Variants in RGL1 observed in about 807,000 individuals in gnomAD.
RGL1 encodes ral guanine nucleotide dissociation stimulator like 1, also known as ral guanine nucleotide dissociation stimulator-like 1.
Under a neutral mutation model 95.2 loss-of-function variants are expected in RGL1, and 24 were observed. The observed-to-expected ratio is 0.25, with a 90% CI of 0.18 to 0.35. The LOEUF is 0.35. Among genes scored for constraint, RGL1 ranks in the 10% least tolerant of loss-of-function variants. RGL1 has a pLI of 1.00. For synonymous variants in RGL1, 329 were observed against 344.9 expected, an observed-to-expected ratio of 0.95 and a Z score of 0.51; for missense variants, 715 against 936.3, an observed-to-expected ratio of 0.76 and a Z score of 3.08.
chr1:183,783,305 A>AAC (rs1204854454), intron 2 of RGL1, among the ~76,000 whole-genome samples: 1 of 152,144 alleles, frequency 6.6e-6, no homozygotes, highest in Non-Finnish European at 1.5e-5. Flanking sequence ...GAAAATAAGG[A>AAC]ACACACACAC....
At chr1:183,713,857 C>T (rs954217661) in intron 1 of RGL1, among the ~76,000 whole-genome samples, 10 of 152,182 alleles carry the variant, frequency 6.6e-5, no homozygotes, top group African/African-American at 1.7e-4. Flanking sequence ...TTTTATTCAC[C>T]GCTGTATCCC....
At chr1:183,685,752 CAT>C (rs1653541572) in intron 1 of RGL1, among the ~76,000 whole-genome samples, 3 of 152,294 alleles carry the variant, frequency 2.0e-5, no homozygotes, top group East Asian at 1.9e-4. Context: ...TCAGACCTAA[CAT>C]GTGGTAATAC....
chr1:183,690,734 A>T (rs1020085699), intron 1 of RGL1, among the ~76,000 whole-genome samples: 1 of 150,822 alleles, frequency 6.6e-6, no homozygotes, highest in Non-Finnish European at 1.5e-5. Context: ...GTACTTATAA[A>T]AAAAAAAAAG....
chr1:183,797,290 C>A (rs1000423816), intron 2 of RGL1, among the ~76,000 whole-genome samples: 1 of 152,064 alleles, frequency 6.6e-6, no homozygotes, highest in African/African-American at 2.4e-5. Flanking sequence ...GATGGCGCCA[C>A]GGCACTCCAG....
At chr1:183,658,841 C>T (rs1434398878) in intron 1 of RGL1, among the ~76,000 whole-genome samples, 1 of 151,584 alleles carries the variant, frequency 6.6e-6, no homozygotes, top group Non-Finnish European at 1.5e-5. Flanking sequence ...CTCACAGGGC[C>T]GGGTACTCCT....
intron 2 of RGL1, among the ~76,000 whole-genome samples, chr1:183,791,041 C>CG (rs1162063925): frequency 9.9e-5 from 15 of 152,168 alleles, no homozygotes; most frequent in Admixed American, 6.5e-5. Context: ...TAGCTATTCA[C>CG]TCATCTAGAA....
At chr1:183,842,162 G>A (rs1664099505) in intron 2 of RGL1, among the ~76,000 whole-genome samples, 2 of 152,116 alleles carry the variant, frequency 1.3e-5, no homozygotes, top group South Asian at 4.1e-4. Context: ...AGCTGGAATA[G>A]TACTCACTAT....
intron 1 of RGL1, among the ~76,000 whole-genome samples, chr1:183,689,744 G>T (rs1023373457): frequency 6.6e-6 from 1 of 152,154 alleles, no homozygotes; most frequent in Non-Finnish European, 1.5e-5. Flanking sequence ...GTGATTCCTG[G>T]CCTCATCCTT....
At chr1:183,847,865 C>G (rs901388122) in intron 3 of RGL1, 91 bp downstream of exon 3, 3 of 918,700 alleles carry the variant, frequency 3.3e-6, no homozygotes, top group Admixed American at 4.1e-5. Context: ...ACTTGGTATT[C>G]GGAGAGAGAT....
At chr1:183,691,952 T>A (rs1487913444) in intron 1 of RGL1, among the ~76,000 whole-genome samples, 1 of 151,868 alleles carries the variant, frequency 6.6e-6, no homozygotes, top group Non-Finnish European at 1.5e-5. Context: ...TCAGTGAATG[T>A]TCAAAATGTA....
rs1663643850 is a variant in RGL1 at position 183,836,276 on chromosome 1, G to A, written c.139-11290G>A. 2.0e-5 allele frequency among the ~76,000 whole-genome samples: 3 copies of A among 151,842 alleles called. No homozygotes were observed. In the South Asian group the frequency reaches 6.2e-4, roughly 32 times the overall value. On this transcript the variant is annotated intron_variant, in intron 2 of 17. Coordinates refer to ENST00000360851, the MANE Select transcript of RGL1 (RefSeq NM_001297671.3). ...TTCTTTTCTTTTTTTTTTAGACGGAGTTTTGCTCTTGTTGCCCAGGTTGGA... is the reference window on the plus strand; with the variant it reads ...TTCTTTTCTTTTTTTTTTAGACGGAATTTTGCTCTTGTTGCCCAGGTTGGA...
At chr1:183,861,109 A>G (rs575630641) in intron 3 of RGL1, among the ~76,000 whole-genome samples, 2 of 152,338 alleles carry the variant, frequency 1.3e-5, no homozygotes, top group South Asian at 4.1e-4. Context: ...ACTTCACTCT[A>G]TAGAATTATA....
intron 2 of RGL1, among the ~76,000 whole-genome samples, chr1:183,839,873 A>G (rs1409330023): frequency 6.6e-6 from 1 of 152,212 alleles, no homozygotes; most frequent in Non-Finnish European, 1.5e-5. Flanking sequence ...TAACTCTCCT[A>G]TAACAAAAGA....
chr1:183,880,877 G>C lies in RGL1; in HGVS notation c.610+77G>C, dbSNP rs191359000. 8.7e-6 allele frequency: 12 copies of C among 1,378,120 alleles called. No homozygotes were observed. In the Admixed American group the frequency reaches 2.4e-4, roughly 28 times the overall value. The allele number at this position is 1,378,120 out of a possible 1,614,324, so 85.4% of individuals were successfully genotyped here. A position where few individuals can be genotyped will look rare whatever the true frequency, so the allele number is the denominator to read the frequency against. On this transcript the variant is annotated intron_variant, in intron 5 of 17. Coordinates refer to ENST00000360851, the MANE Select transcript of RGL1 (RefSeq NM_001297671.3). ...TCCACGCTGGAGAAAGGTTCTCCCT[G>C]TGCTGGCTAATAGGAAACCTTGGTA...
At position 183,723,045 on chromosome 1, in the gene RGL1, G is replaced by T. The variant is rs114017064; in HGVS notation, c.-32-19081G>T. Among the ~76,000 whole-genome samples the T allele has an allele frequency of 8.1e-3, 1,229 of 152,188 alleles. 19 individuals carry two copies. Among genetic ancestry groups the T allele is most frequent in the African/African-American group, 0.027 (1,137 of 41,512 alleles). On this transcript the variant is annotated intron_variant, in intron 1 of 18. Coordinates refer to the RGL1 transcript ENST00000304685. ...ATACATGACAACAATAGCACAAAGG[G>T]CATTGGGGGGGAAATGGAAGCACAC...
At chr1:183,673,181 C>T (rs190740419) in intron 1 of RGL1, among the ~76,000 whole-genome samples, 45 of 152,308 alleles carry the variant, frequency 3.0e-4, no homozygotes, top group African/African-American at 1.1e-3. Context: ...TAAAACCTCA[C>T]AGTCAAGATT....
At chr1:183,801,143 TTGTGTGTG>T (rs139990784), upstream of RGL1, among the ~76,000 whole-genome samples, 10 of 130,000 alleles carry the variant, frequency 7.7e-5, no homozygotes, top group East Asian at 2.1e-4. Flanking sequence ...ACTTGTTATT[TTGTGTGTG>T]TGTGTGTGTG....
upstream of RGL1, among the ~76,000 whole-genome samples, chr1:183,802,600 C>CAAAAAAAAA (rs34038144): frequency 3.3e-5 from 3 of 90,066 alleles, no homozygotes; most frequent in East Asian, 9.7e-4. Context: ...GGTGTATCAG[C>CAAAAAAAAA]AAAAAAAAAA....
intron 4 of RGL1, among the ~76,000 whole-genome samples, chr1:183,879,501 T>A (rs981503860): frequency 1.3e-5 from 2 of 152,264 alleles, no homozygotes; most frequent in Non-Finnish European, 2.9e-5. Context: ...TAAAAAATTC[T>A]TTTTGGCTGA....
Sources: allele counts gnomAD v4.1 joint callset (sites outside exome capture counted in the v4.1 genomes callset), GRCh38; gene constraint gnomAD v4.1.1; transcripts MANE v1.5; gene names NCBI Gene and HGNC (gene_info 2026-07-23, HGNC 2026-07-21).